TSC22D3: variants seen among roughly 807,000 people sequenced by gnomAD.
TSC22D3 encodes TSC22 domain family member 3, also known as TSC22 domain family protein 3.
In TSC22D3, 4 loss-of-function variants were observed where a neutral mutation model predicts 11.1. That is an observed-to-expected ratio of 0.36 (90% CI 0.18 to 0.83). The LOEUF is 0.83. Ranked by LOEUF, TSC22D3 falls within the 40% of genes least tolerant of loss-of-function variation. The pLI is 0.48. For missense variants in TSC22D3, 118 were observed against 159.4 expected (o/e 0.74, Z 1.40); for synonymous variants, 77 against 70.3 (o/e 1.10, Z -0.48).
chrX:107,772,712 A>C (rs1324355696), intron 1 of TSC22D3, among the ~76,000 whole-genome samples: 1 of 110,246 alleles, frequency 9.1e-6, no homozygotes, highest in Non-Finnish European at 1.9e-5. Flanking sequence ...TTAGCTGGGC[A>C]TGGTGGTGTG....
intron 1 of TSC22D3, among the ~76,000 whole-genome samples, chrX:107,754,828 C>A (rs1429746090): frequency 8.9e-6 from 1 of 112,267 alleles, no homozygotes; most frequent in African/African-American, 3.2e-5. Flanking sequence ...ACAGAGATTG[C>A]AAATTTTTTT....
chrX:107,765,552 A>G (rs1480505637), intron 1 of TSC22D3, among the ~76,000 whole-genome samples: 1 of 112,610 alleles, frequency 8.9e-6, no homozygotes, highest in African/African-American at 3.2e-5. Context: ...TGATGGATTG[A>G]TTAATTGAAG....
chrX:107,740,478 A>G (rs1327993629), intron 1 of TSC22D3, among the ~76,000 whole-genome samples: 1 of 111,509 alleles, frequency 9.0e-6, no homozygotes, highest in Non-Finnish European at 1.9e-5. Flanking sequence ...TCTGCTCGGG[A>G]GGCTGAGGCA....
In TSC22D3 at chrX:107,714,144, T is replaced by G; in HGVS notation, c.*375A>C. ...CGTTGTCAGGTGAAGCTGTTGAAGATGTCCATGGAGATGAGAAACAGACCC... is the reference window on the plus strand; with the variant it reads ...CGTTGTCAGGTGAAGCTGTTGAAGAGGTCCATGGAGATGAGAAACAGACCC... On this transcript the variant is annotated 3_prime_UTR_variant, in exon 3 of 3. Coordinates refer to ENST00000372383, the MANE Select transcript of TSC22D3 (RefSeq NM_198057.3). 1.4e-5 allele frequency: 2 copies of G among 145,770 alleles called. No homozygotes were observed. Among genetic ancestry groups the G allele is most frequent in the Non-Finnish European group, 1.4e-5 (1 of 73,719 alleles). The allele number at this position is 145,770 out of a possible 1,213,427, so 12.0% of individuals were successfully genotyped here.
intron 1 of TSC22D3, among the ~76,000 whole-genome samples, chrX:107,761,190 G>A (rs1261535609): frequency 8.9e-6 from 1 of 112,482 alleles, no homozygotes; most frequent in Non-Finnish European, 1.9e-5. Flanking sequence ...GACGCAAAGC[G>A]CCTGTGCTTC....
Position 107,734,878 on chromosome X carries a change from TAAAAA to T in TSC22D3, c.321-18933_321-18929del, listed in dbSNP as rs781386272. On this transcript the variant is annotated intron_variant, in intron 1 of 2. Transcript: ENST00000372383. ...TTTATCTATTGTTCACAACTCTACGTAAAAAAAAAAAAAAAAAAAAAAAAAAAAAT... is the reference window on the plus strand; with the variant it reads ...TTTATCTATTGTTCACAACTCTACGTAAAAAAAAAAAAAAAAAAAAAAAAT... Among the ~76,000 whole-genome samples the T allele has an allele frequency of 5.6e-4, 21 of 37,282 alleles. 1 individual carries two copies. Among genetic ancestry groups the T allele is most frequent in the African/African-American group, 2.7e-3 (19 of 7,130 alleles). The allele number at this position is 37,282 out of a possible 115,157, so 32.4% of individuals were successfully genotyped here.
chrX:107,754,314 G>C (rs755531126), intron 1 of TSC22D3, among the ~76,000 whole-genome samples: 1 of 111,326 alleles, frequency 9.0e-6, no homozygotes, highest in Non-Finnish European at 1.9e-5. Flanking sequence ...TGTTACCCTA[G>C]CCATGTGAAA....
chrX:107,767,693 A>C (rs774635141), intron 1 of TSC22D3, among the ~76,000 whole-genome samples: 1 of 111,866 alleles, frequency 8.9e-6, no homozygotes. Context: ...ACTCTTCATC[A>C]AACCTAGGTT....
chrX:107,717,349 C>G (rs1346951834), intron 1 of TSC22D3, among the ~76,000 whole-genome samples: 1 of 112,568 alleles, frequency 8.9e-6, no homozygotes, highest in African/African-American at 3.2e-5. Context: ...TAAAGAACAG[C>G]GCTAGTTTGA....
chrX:107,767,601 A>G (rs771437065), intron 1 of TSC22D3, among the ~76,000 whole-genome samples: 24 of 112,381 alleles, frequency 2.1e-4, no homozygotes, highest in Non-Finnish European at 3.6e-4. Flanking sequence ...CACAGATCGC[A>G]TCTTAGCCCC....
At chrX:107,761,883 G>C (rs1031916126) in intron 1 of TSC22D3, among the ~76,000 whole-genome samples, 2 of 112,106 alleles carry the variant, frequency 1.8e-5, no homozygotes, top group Admixed American at 9.4e-5. Flanking sequence ...TCACAGCGGG[G>C]CACTTGCAGT....
intron 1 of TSC22D3, among the ~76,000 whole-genome samples, chrX:107,741,011 G>A (rs1928381062): frequency 9.1e-6 from 1 of 110,011 alleles, no homozygotes; most frequent in South Asian, 3.9e-4. Flanking sequence ...TGGCCAGGCT[G>A]GCAGGGGAGA....
chrX:107,727,658 G>T (rs1393139888), intron 1 of TSC22D3, among the ~76,000 whole-genome samples: 1 of 111,791 alleles, frequency 8.9e-6, no homozygotes, highest in East Asian at 2.8e-4. Flanking sequence ...AGAAATTCTG[G>T]TTCCCAAACA....
chrX:107,730,524 C>G (rs141732096), intron 1 of TSC22D3, among the ~76,000 whole-genome samples: 4 of 111,472 alleles, frequency 3.6e-5, no homozygotes, highest in Non-Finnish European at 7.5e-5. Context: ...GTAAGCCCCC[C>G]CGGAATGCCA....
Position 107,775,583 on chromosome X carries a change from C to G in TSC22D3, c.-164G>C. The G allele has an allele frequency of 7.0e-6, 3 of 430,663 alleles. No homozygotes were observed. 35.5% of individuals were successfully genotyped at this position (430,663 alleles called of 1,213,427 possible). A position where few individuals can be genotyped will look rare whatever the true frequency, so the allele number is the denominator to read the frequency against. ...AAGCCAGCCACCTTCGGCTCGGCCC[C>G]CTTCTGGCTGTACTGCTCCGGGTGC... On this transcript the variant is annotated 5_prime_UTR_variant, in exon 1 of 3. Transcript: ENST00000372383.
At chrX:107,723,550 C>T (rs1207919376) in intron 1 of TSC22D3, among the ~76,000 whole-genome samples, 3 of 112,398 alleles carry the variant, frequency 2.7e-5, no homozygotes, top group Non-Finnish European at 5.6e-5. Context: ...CGTCACAGCC[C>T]ACCCTTTGGC....
intron 1 of TSC22D3, among the ~76,000 whole-genome samples, chrX:107,767,365 T>C (rs1255616552): frequency 1.8e-5 from 2 of 111,298 alleles, no homozygotes; most frequent in African/African-American, 3.3e-5. Flanking sequence ...TCCAGCCTGC[T>C]TCCAGCTCTT....
chrX:107,729,979 G>A (rs1927811238), intron 1 of TSC22D3, among the ~76,000 whole-genome samples: 1 of 112,619 alleles, frequency 8.9e-6, no homozygotes, highest in African/African-American at 3.2e-5. Context: ...AAGAGGGCAG[G>A]GATGGACAGC....
intron 1 of TSC22D3, among the ~76,000 whole-genome samples, chrX:107,728,992 A>G (rs1485022596): frequency 8.9e-6 from 1 of 111,758 alleles, no homozygotes; most frequent in African/African-American, 3.3e-5. Flanking sequence ...CAAATATTGA[A>G]GACTCGCTGG....
Sources: gnomAD v4.1 joint callset for allele counts (sites outside exome capture counted in the v4.1 genomes callset) on GRCh38, gnomAD v4.1.1 for gene constraint, MANE v1.5 for transcripts, NCBI Gene and HGNC (gene_info 2026-07-23, HGNC 2026-07-21) for gene names.